The following SHISA6 variants were observed in gnomAD, a reference collection of about 807,000 sequenced individuals.
SHISA6 encodes protein shisa-6.
A neutral mutation model predicts 47.9 loss-of-function variants in SHISA6; 22 were observed. The ratio of observed to expected loss-of-function variants is 0.46; its 90% confidence interval spans 0.33 to 0.66. The LOEUF is 0.66. Ranked by LOEUF, SHISA6 falls within the 30% of genes least tolerant of loss-of-function variation. The pLI is 0.02. For synonymous variants in SHISA6, 388 were observed against 337.8 expected (o/e 1.15, Z -1.63); for missense variants, 680 against 764.6 (o/e 0.89, Z 1.30).
chr17:11,497,684 A>G (rs2071419809), intron 3 of SHISA6, among the ~76,000 whole-genome samples: 1 of 152,200 alleles, frequency 6.6e-6, no homozygotes, highest in South Asian at 2.1e-4. Flanking sequence ...GGCTCTCCAT[A>G]CATGGGTTAA....
chr17:11,256,912 C>T (rs1019589312), intron 1 of SHISA6, among the ~76,000 whole-genome samples: 2 of 152,206 alleles, frequency 1.3e-5, no homozygotes, highest in African/African-American at 4.8e-5. Context: ...AGGACAGGCA[C>T]CCACTGGGAT....
intron 2 of SHISA6, among the ~76,000 whole-genome samples, chr17:11,317,685 C>T (rs1163435671): frequency 6.6e-6 from 1 of 151,462 alleles, no homozygotes; most frequent in Non-Finnish European, 1.5e-5. Context: ...TTCCTTTCTT[C>T]CCTCCCTCCG....
intron 3 of SHISA6, among the ~76,000 whole-genome samples, chr17:11,469,650 C>T (rs528940769): frequency 4.6e-5 from 7 of 152,272 alleles, no homozygotes; most frequent in Admixed American, 4.6e-4. Flanking sequence ...CTGAGAGTCT[C>T]CTCTGCCTTG....
intron 1 of SHISA6, among the ~76,000 whole-genome samples, chr17:11,254,821 A>G (rs912877569): frequency 6.6e-6 from 1 of 152,306 alleles, no homozygotes; most frequent in South Asian, 2.1e-4. Flanking sequence ...TCTCCCTAAT[A>G]AATAGGCACT....
At chr17:11,294,507 G>A (rs1909672260) in intron 2 of SHISA6, among the ~76,000 whole-genome samples, 1 of 152,192 alleles carries the variant, frequency 6.6e-6, no homozygotes, top group African/African-American at 2.4e-5. Context: ...CGCGTGCGAG[G>A]CTGCTCCTTT....
chr17:11,555,154 G>A (rs1293184966), intron 4 of SHISA6, among the ~76,000 whole-genome samples: 1 of 152,108 alleles, frequency 6.6e-6, no homozygotes, highest in Non-Finnish European at 1.5e-5. Flanking sequence ...AAATAGCTCT[G>A]TGGCTCACTG....
Position 11,562,906 on chromosome 17 carries a change from C to A in SHISA6, c.*4602C>A, listed in dbSNP as rs184155754. 10 of 152,448 alleles carry A rather than the reference C, an allele frequency of 6.6e-5. No homozygotes were observed. Among genetic ancestry groups the A allele is most frequent in the African/African-American group, 1.9e-4 (8 of 41,592 alleles). The allele number at this position is 152,448 out of a possible 1,614,324, so 9.4% of individuals were successfully genotyped here. ...GGGTGGGCCTGATGGGCTCGGCCAC[C>A]CAGGGATGCCCTCGTACCTGAAGTT... On this transcript the variant is annotated 3_prime_UTR_variant, in exon 6 of 6. Coordinates refer to ENST00000441885, the MANE Select transcript of SHISA6 (RefSeq NM_207386.4).
At chr17:11,505,391 A>T (rs1224190557) in intron 3 of SHISA6, among the ~76,000 whole-genome samples, 3 of 152,210 alleles carry the variant, frequency 2.0e-5, no homozygotes, top group Non-Finnish European at 4.4e-5. Context: ...AGGGATAGAC[A>T]TGGAGTGGGA....
chr17:11,450,275 C>A (rs9898456), intron 3 of SHISA6, among the ~76,000 whole-genome samples: 34,665 of 152,120 alleles, frequency 0.23, 4,195 homozygotes, highest in South Asian at 0.34. Context: ...TCTGCAGGAA[C>A]CCTCTTTCCA....
intron 2 of SHISA6, among the ~76,000 whole-genome samples, chr17:11,282,165 A>G (rs1174445959): frequency 2.6e-5 from 4 of 152,128 alleles, no homozygotes; most frequent in Non-Finnish European, 5.9e-5. Flanking sequence ...CTCCTTTTTC[A>G]AAAGAGGTCC....
At chr17:11,269,288 C>T (rs994616554) in intron 2 of SHISA6, among the ~76,000 whole-genome samples, 1 of 152,140 alleles carries the variant, frequency 6.6e-6, no homozygotes, top group Non-Finnish European at 1.5e-5. Context: ...GACCCACCCA[C>T]CGTGGCCTCC....
chr17:11,514,252 G>A (rs1001779236), intron 3 of SHISA6, among the ~76,000 whole-genome samples: 1 of 152,146 alleles, frequency 6.6e-6, no homozygotes, highest in African/African-American at 2.4e-5. Flanking sequence ...TGCCTAACAT[G>A]CTGACTTAAT....
At chr17:11,396,911 TA>T (rs1567594560) in intron 3 of SHISA6, among the ~76,000 whole-genome samples, 2 of 152,058 alleles carry the variant, frequency 1.3e-5, no homozygotes, top group Non-Finnish European at 2.9e-5. Context: ...AGTAAAATTT[TA>T]AAAAAAGAAT....
At position 11,289,970 on chromosome 17, in the gene SHISA6, A is replaced by ACTT. The variant is rs1375174524; in HGVS notation, c.799+26445_799+26446insTTC. ...ACTTGCAGCTGTAAGTTCTTCTCTAACAGTAGGTATAACTGAATCCTAGAT... is the reference window on the plus strand; with the variant it reads ...ACTTGCAGCTGTAAGTTCTTCTCTAACTTCAGTAGGTATAACTGAATCCTAGAT... On this transcript the variant is annotated intron_variant, in intron 2 of 5. Transcript: ENST00000441885. The ACTT allele has an allele frequency of 2.0e-5, 3 of 152,228 alleles. No homozygotes were observed. In the East Asian group the frequency reaches 5.8e-4, roughly 29 times the overall value. The allele number at this position is 152,228 out of a possible 1,614,324, so 9.4% of individuals were successfully genotyped here. A position where few individuals can be genotyped will look rare whatever the true frequency, so the allele number is the denominator to read the frequency against.
chr17:11,471,638 C>A (rs748279119), intron 3 of SHISA6, among the ~76,000 whole-genome samples: 2 of 152,184 alleles, frequency 1.3e-5, no homozygotes, highest in African/African-American at 2.4e-5. Flanking sequence ...CTGTCATCTA[C>A]TACAGTCAGT....
At chr17:11,491,835 G>C (rs1053443076) in intron 3 of SHISA6, among the ~76,000 whole-genome samples, 1 of 149,128 alleles carries the variant, frequency 6.7e-6, no homozygotes, top group Non-Finnish European at 1.5e-5. Context: ...GCAATGGTGC[G>C]ATCTCTGCTA....
At chr17:11,526,922 T>TATAC (rs2071690718) in intron 3 of SHISA6, among the ~76,000 whole-genome samples, 2 of 26,576 alleles carry the variant, frequency 7.5e-5, no homozygotes, top group Non-Finnish European at 1.3e-4. Context: ...TATATATATA[T>TATAC]ATATATATAT....
intron 2 of SHISA6, chr17:11,290,357 T>C (rs1012967350): frequency 6.7e-6 from 1 of 149,784 alleles, no homozygotes; most frequent in African/African-American, 2.4e-5. Flanking sequence ...TTCTTTCTTT[T>C]TTTTTTTTTT....
intron 3 of SHISA6, among the ~76,000 whole-genome samples, chr17:11,548,031 G>A (rs2071897254): frequency 6.6e-6 from 1 of 151,976 alleles, no homozygotes; most frequent in Admixed American, 6.6e-5. Context: ...ACATTACATA[G>A]TTAAGAATGT....
Sources: gnomAD v4.1 joint callset for allele counts (sites outside exome capture counted in the v4.1 genomes callset) on GRCh38, gnomAD v4.1.1 for gene constraint, MANE v1.5 for transcripts, NCBI Gene and HGNC (gene_info 2026-07-23, HGNC 2026-07-21) for gene names.